Variants in INPP4B observed in about 807,000 individuals in gnomAD.
INPP4B encodes the protein inositol polyphosphate 4-phosphatase type II.
Under a neutral mutation model 122.5 loss-of-function variants are expected in INPP4B, and 55 were observed. The ratio of observed to expected loss-of-function variants is 0.45; its 90% CI spans 0.36 to 0.56. INPP4B has a LOEUF of 0.56. INPP4B is among the 20% of genes least tolerant of loss of function. The pLI, the probability that INPP4B is intolerant of heterozygous loss-of-function variation, is 0.00. For synonymous variants in INPP4B, 403 were observed against 388.7 expected (o/e 1.04, Z -0.43); for missense variants, 1,000 against 1,097.7 (o/e 0.91, Z 1.26).
At chr4:142,281,367 A>T (rs1217469150) in intron 9 of INPP4B, among the ~76,000 whole-genome samples, 1 of 151,766 alleles carries the variant, frequency 6.6e-6, no homozygotes. Context: ...TTCAACAAAA[A>T]CTTTTTACAT....
At chr4:142,748,987 A>G (rs1287223577) in intron 1 of INPP4B, among the ~76,000 whole-genome samples, 2 of 151,680 alleles carry the variant, frequency 1.3e-5, no homozygotes, top group Non-Finnish European at 2.9e-5. Flanking sequence ...TAAAAACACA[A>G]AAATTATCCA....
At chr4:142,680,618 G>C (rs1442943457) in intron 2 of INPP4B, among the ~76,000 whole-genome samples, 1 of 151,888 alleles carries the variant, frequency 6.6e-6, no homozygotes, top group Admixed American at 6.6e-5. Flanking sequence ...TTACCTGCAT[G>C]CTATTTAGAA....
chr4:142,177,636 T>C (rs1828926563), intron 15 of INPP4B, among the ~76,000 whole-genome samples: 1 of 152,062 alleles, frequency 6.6e-6, no homozygotes, highest in Non-Finnish European at 1.5e-5. Flanking sequence ...TACTATATAC[T>C]TTAATATATT....
In INPP4B at chr4:142,805,075, G is replaced by A. The variant is rs545422127; in HGVS notation, c.-254+41134C>T. The stretch of plus-strand genomic sequence containing the variant: ...AACTGATCTTTTAAGATAAACAACC[G>A]AATGGTTATATTAATAAATATGAAT... On this transcript the variant is annotated intron_variant, in intron 1 of 25. Transcript: ENST00000262992. 5.3e-5 allele frequency among the ~76,000 whole-genome samples: 8 copies of A among 152,144 alleles called. No individual in the cohort carries two copies. In the East Asian group the frequency reaches 7.7e-4, roughly 15 times the overall value.
At chr4:142,698,371 T>C (rs1761286938) in intron 2 of INPP4B, among the ~76,000 whole-genome samples, 1 of 151,994 alleles carries the variant, frequency 6.6e-6, no homozygotes, top group South Asian at 2.1e-4. Flanking sequence ...TCCAGTGTTA[T>C]TCTTGTCATA....
chr4:142,025,415 GTT>G lies in INPP4B; in HGVS notation c.*3365_*3366del, dbSNP rs1351301586. On this transcript the variant is annotated 3_prime_UTR_variant, in exon 26 of 26. Coordinates refer to ENST00000262992, the MANE Select transcript of INPP4B (RefSeq NM_001101669.3). The stretch of plus-strand genomic sequence containing the variant: ...ATTGGTTTTTAATGTATTCCACTGT[GTT>G]TTATAATTTCATATTTAATAATGGT... 6.6e-6 allele frequency: 1 copy of G among 152,086 alleles called. No individual in the cohort carries two copies. Among genetic ancestry groups the G allele is most frequent in the African/African-American group, 2.4e-5 (1 of 41,420 alleles). 9.4% of individuals were successfully genotyped at this position (152,086 alleles called of 1,614,324 possible). A position where few individuals can be genotyped will look rare whatever the true frequency, so the allele number is the denominator to read the frequency against.
At chr4:142,270,283 G>C (rs1009045781) in intron 10 of INPP4B, among the ~76,000 whole-genome samples, 1 of 152,156 alleles carries the variant, frequency 6.6e-6, no homozygotes, top group African/African-American at 2.4e-5. Context: ...TTCCAAAGAG[G>C]GTTTTGGGAG....
chr4:142,076,398 T>G (rs1386114175), intron 25 of INPP4B, among the ~76,000 whole-genome samples: 1 of 152,060 alleles, frequency 6.6e-6, no homozygotes, highest in Non-Finnish European at 1.5e-5. Flanking sequence ...GTGTATTCTT[T>G]GCAGTATCTT....
intron 25 of INPP4B, among the ~76,000 whole-genome samples, chr4:142,056,113 C>T (rs761314511): frequency 2.6e-5 from 4 of 151,798 alleles, no homozygotes; most frequent in East Asian, 1.9e-4. Context: ...GTTGATCTGA[C>T]GGAAGGCAGA....
intron 2 of INPP4B, among the ~76,000 whole-genome samples, chr4:142,555,362 A>T (rs1462952852): frequency 6.6e-6 from 1 of 152,202 alleles, no homozygotes; most frequent in Non-Finnish European, 1.5e-5. Context: ...AAGCATATTT[A>T]TTTGTAAGGA....
intron 8 of INPP4B, among the ~76,000 whole-genome samples, chr4:142,314,346 T>A (rs1766682116): frequency 1.3e-5 from 2 of 152,072 alleles, no homozygotes; most frequent in East Asian, 3.9e-4. Context: ...AATACCACAA[T>A]CCTAGGGCTG....
chr4:142,137,201 A>G, intron 18 of INPP4B, among the ~76,000 whole-genome samples: 1 of 152,030 alleles, frequency 6.6e-6, no homozygotes, highest in Non-Finnish European at 1.5e-5. Context: ...AGATCAATGG[A>G]ACAGAACAGA....
chr4:142,659,802 T>C (rs1479317043), intron 2 of INPP4B, among the ~76,000 whole-genome samples: 1 of 152,152 alleles, frequency 6.6e-6, no homozygotes, highest in Non-Finnish European at 1.5e-5. Flanking sequence ...AGACATCCTT[T>C]CCTCTCCCTT....
intron 2 of INPP4B, among the ~76,000 whole-genome samples, chr4:142,485,263 C>T (rs1440398727): frequency 6.6e-6 from 1 of 152,072 alleles, no homozygotes; most frequent in African/African-American, 2.4e-5. Context: ...TTTAGGAACA[C>T]TTCTTTGGAG....
intron 15 of INPP4B, among the ~76,000 whole-genome samples, chr4:142,188,507 AAAAG>A (rs773676106): frequency 0.082 from 8,339 of 102,226 alleles, 569 homozygotes; most frequent in South Asian, 0.15. Context: ...AAAAAAAAAA[AAAAG>A]AAAAAAAATA....
At chr4:142,422,952 C>G (rs1392626103) in intron 5 of INPP4B, among the ~76,000 whole-genome samples, 1 of 152,096 alleles carries the variant, frequency 6.6e-6, no homozygotes, top group East Asian at 1.9e-4. Context: ...CTTATTGCAT[C>G]CTATGTGGTG....
chr4:142,617,774 G>A (rs1164366890), intron 2 of INPP4B, among the ~76,000 whole-genome samples: 4 of 152,020 alleles, frequency 2.6e-5, no homozygotes, highest in African/African-American at 9.7e-5. Context: ...AAATCCTATA[G>A]AAAACCCTGT....
intron 7 of INPP4B, among the ~76,000 whole-genome samples, chr4:142,394,574 G>C (rs557218426): frequency 9.2e-5 from 14 of 152,176 alleles, no homozygotes; most frequent in African/African-American, 2.7e-4. Context: ...GATTTGTGAT[G>C]ATGAGCATTT....
chr4:142,618,445 G>A (rs762289773), intron 2 of INPP4B, among the ~76,000 whole-genome samples: 2 of 152,014 alleles, frequency 1.3e-5, no homozygotes, highest in Non-Finnish European at 2.9e-5. Context: ...ATGATCAACT[G>A]ATTTTTGATA....
Sources: gnomAD v4.1 joint callset for allele counts (sites outside exome capture counted in the v4.1 genomes callset) on GRCh38, gnomAD v4.1.1 for gene constraint, MANE v1.5 for transcripts, NCBI Gene and HGNC (gene_info 2026-07-23, HGNC 2026-07-21) for gene names.